The following CAPS2 variants were observed in gnomAD, a reference collection of about 807,000 sequenced individuals.
CAPS2 encodes the protein calcyphosin-2.
In CAPS2, 98 loss-of-function variants were observed where a neutral mutation model predicts 86.5. The ratio of observed to expected loss-of-function variants is 1.13; its 90% CI spans 0.96 to 1.34. CAPS2 has a LOEUF of 1.34. Among genes scored for constraint, CAPS2 ranks in the 40% most tolerant of loss-of-function variants. CAPS2 has a pLI of 0.00. For missense variants in CAPS2, 729 were observed against 686.8 expected, an observed-to-expected ratio of 1.06 and a Z score of -0.69; for synonymous variants, 210 against 225.1, an observed-to-expected ratio of 0.93 and a Z score of 0.60.
intron 11 of CAPS2, among the ~76,000 whole-genome samples, chr12:75,293,768 A>G (rs1472486076): frequency 6.6e-6 from 1 of 152,212 alleles, no homozygotes; most frequent in Non-Finnish European, 1.5e-5. Flanking sequence ...ACTTTTGATG[A>G]CAGATGTTGC....
intron 6 of CAPS2, among the ~76,000 whole-genome samples, chr12:75,313,911 C>T (rs1054298710): frequency 2.6e-5 from 4 of 152,148 alleles, no homozygotes; most frequent in African/African-American, 4.8e-5. Context: ...TTAGCCTACA[C>T]TAAATTTAGT....
chr12:75,284,883 AATTC>A, intron 15 of CAPS2, 74 bp downstream of exon 15: 1 of 1,270,094 alleles, frequency 7.9e-7, no homozygotes, highest in Non-Finnish European at 1.1e-6. Flanking sequence ...TTTAAATGGT[AATTC>A]ATTAAAGTTT....
At chr12:75,374,212 G>C (rs2044527314) in intron 1 of CAPS2, among the ~76,000 whole-genome samples, 1 of 152,196 alleles carries the variant, frequency 6.6e-6, no homozygotes, top group African/African-American at 2.4e-5. Flanking sequence ...AAATGGCAGA[G>C]AAGCTTGCAC....
exon 4 of CAPS2, chr12:75,323,031 A>G (rs2040443584): frequency 6.4e-7 from 1 of 1,550,814 alleles, no homozygotes; most frequent in African/African-American, 1.4e-5. Flanking sequence ...CCCAGCCAAG[A>G]GTAGAAGATG....
rs1247763058 is a variant in CAPS2, at chr12:75,316,292, TA to T, written c.591+19del. 6.5e-7 allele frequency: 1 copy of T among 1,549,534 alleles called. No individual in the cohort carries two copies. Among genetic ancestry groups the T allele is most frequent in the African/African-American group, 1.4e-5 (1 of 72,950 alleles). ...TAAGATTAATGGCTCACCAAATAAG[TA>T]AAAATGCTGACAACTTACTGCATCC... On this transcript the variant is annotated intron_variant, in intron 6 of 16. Coordinates refer to ENST00000393284, the Ensembl canonical transcript of CAPS2.
At chr12:75,318,944 A>C (rs1199283248) in intron 5 of CAPS2, among the ~76,000 whole-genome samples, 1 of 152,206 alleles carries the variant, frequency 6.6e-6, no homozygotes, top group African/African-American at 2.4e-5. Flanking sequence ...AATTATATTG[A>C]TCATTTCTAA....
chr12:75,279,172 G>A, intron 16 of CAPS2, 107 bp from the exon 17 acceptor site: 1 of 1,067,448 alleles, frequency 9.4e-7, no homozygotes, highest in Non-Finnish European at 1.3e-6. Context: ...TCAACAATTT[G>A]AAATCTTTTG....
chr12:75,276,374 A>G, downstream of CAPS2: 1 of 1,377,314 alleles, frequency 7.3e-7, no homozygotes, highest in African/African-American at 1.5e-5. Context: ...TCTCTCCTGA[A>G]ATACTTGATA....
Position 75,323,288 on chromosome 12 carries a change from T to A in CAPS2, c.132-66A>T, listed in dbSNP as rs2040470769. The A allele has an allele frequency of 3.9e-6, 5 of 1,274,656 alleles. No individual in the cohort carries two copies. The South Asian group carries it at 6.9e-5, about 18-fold the overall frequency. The allele number at this position is 1,274,656 out of a possible 1,614,324, so 79.0% of individuals were successfully genotyped here. ...GAAACTTTAATAAATGCAAATCTTA[T>A]ATGTTACATGTTTTATAAATAGGTA... On this transcript the variant is annotated intron_variant, in intron 2 of 16. Coordinates refer to ENST00000393284, the Ensembl canonical transcript of CAPS2.
chr12:75,311,158 C>T (rs7295739), intron 7 of CAPS2, among the ~76,000 whole-genome samples: 147,039 of 152,252 alleles, frequency 0.97, 71,096 homozygotes, highest in East Asian at 1. Flanking sequence ...GGATTAACTA[C>T]GGGGTGCCGG....
chr12:75,280,202 A>G (rs2033672222), intron 16 of CAPS2, among the ~76,000 whole-genome samples: 1 of 151,960 alleles, frequency 6.6e-6, no homozygotes, highest in Non-Finnish European at 1.5e-5. Flanking sequence ...AATATTTTCT[A>G]TAGTTAAAAT....
At chr12:75,320,218 C>T (rs2040168543) in intron 5 of CAPS2, among the ~76,000 whole-genome samples, 1 of 151,838 alleles carries the variant, frequency 6.6e-6, no homozygotes, top group South Asian at 2.1e-4. Flanking sequence ...TTCTCTTAAA[C>T]CAAAAGTAAA....
intron 7 of CAPS2, among the ~76,000 whole-genome samples, chr12:75,309,292 G>A (rs964236283): frequency 1.3e-5 from 2 of 152,174 alleles, no homozygotes; most frequent in East Asian, 1.9e-4. Context: ...CACTCCAAGA[G>A]TGTAATATTT....
At chr12:75,337,225 A>G (rs2041797243) in intron 1 of CAPS2, among the ~76,000 whole-genome samples, 1 of 151,816 alleles carries the variant, frequency 6.6e-6, no homozygotes, top group Non-Finnish European at 1.5e-5. Context: ...TAAGCACAAG[A>G]AAATTTTTAA....
intron 6 of CAPS2, among the ~76,000 whole-genome samples, chr12:75,315,413 C>T (rs2039654082): frequency 6.6e-6 from 1 of 151,664 alleles, no homozygotes; most frequent in Non-Finnish European, 1.5e-5. Flanking sequence ...TAATAGGCAC[C>T]AAAAAAATAA....
At chr12:75,277,858 A>G in exon 17 of CAPS2, 1 of 903,116 alleles carries the variant, frequency 1.1e-6, no homozygotes, top group Non-Finnish European at 1.3e-6. Flanking sequence ...CCAGGAAGAA[A>G]TGACTAGCAA....
intron 7 of CAPS2, chr12:75,306,292 A>T: frequency 1.7e-6 from 1 of 598,224 alleles, no homozygotes; most frequent in Non-Finnish European, 3.0e-6. Flanking sequence ...GAAGCTATGG[A>T]GGAGGCCAGA....
chr12:75,292,346 G>A (rs1367109457), intron 12 of CAPS2, among the ~76,000 whole-genome samples: 1 of 152,036 alleles, frequency 6.6e-6, no homozygotes, highest in Admixed American at 6.6e-5. Context: ...GATTACAGGA[G>A]TGAGCCGCTG....
At chr12:75,292,275 C>T (rs1366789951) in intron 12 of CAPS2, among the ~76,000 whole-genome samples, 1 of 151,960 alleles carries the variant, frequency 6.6e-6, no homozygotes, top group African/African-American at 2.4e-5. Flanking sequence ...ACCATGTTGG[C>T]CAGGCTGGTC....
Sources: gnomAD v4.1 joint callset for allele counts (sites outside exome capture counted in the v4.1 genomes callset) on GRCh38, gnomAD v4.1.1 for gene constraint, MANE v1.5 for transcripts, NCBI Gene and HGNC (gene_info 2026-07-23, HGNC 2026-07-21) for gene names.